Variants in FAM227B observed in about 807,000 individuals in gnomAD.
The protein encoded by FAM227B is family with sequence similarity 227 member B, also known as protein FAM227B.
Under a neutral mutation model 73.8 loss-of-function variants are expected in FAM227B, and 88 were observed. The observed-to-expected ratio is 1.19, with a 90% CI of 1.00 to 1.42. The LOEUF (loss-of-function observed/expected upper bound fraction) is 1.42. FAM227B is among the 40% of genes most tolerant of loss of function. The pLI, the probability that FAM227B is intolerant of heterozygous loss-of-function variation, is 0.00. For missense variants in FAM227B, 632 were observed against 590.9 expected, an observed-to-expected ratio of 1.07 and a Z score of -0.72; for synonymous variants, 210 against 190.5, an observed-to-expected ratio of 1.10 and a Z score of -0.84.
At chr15:49,531,059 G>T (rs1261379835) in intron 10 of FAM227B, among the ~76,000 whole-genome samples, 3 of 151,194 alleles carry the variant, frequency 2.0e-5, no homozygotes, top group African/African-American at 7.3e-5. Flanking sequence ...ATAATACACA[G>T]GCCACAGTGT....
intron 13 of FAM227B, among the ~76,000 whole-genome samples, chr15:49,346,478 T>C (rs2041523252): frequency 6.6e-6 from 1 of 152,104 alleles, no homozygotes; most frequent in African/African-American, 2.4e-5. Flanking sequence ...TTAGGGGAAG[T>C]AGATGTGAGA....
chr15:49,604,346 G>C (rs1188008191), intron 3 of FAM227B, among the ~76,000 whole-genome samples: 1 of 145,136 alleles, frequency 6.9e-6, no homozygotes, highest in Non-Finnish European at 1.5e-5. Context: ...ATTCTTTGTT[G>C]GCAGTTTTTT....
intron 11 of FAM227B, among the ~76,000 whole-genome samples, chr15:49,503,052 G>A (rs2058273638): frequency 1.3e-5 from 2 of 151,992 alleles, no homozygotes; most frequent in African/African-American, 4.9e-5. Flanking sequence ...AACCAAAACA[G>A]CATGGTCCTG....
At chr15:49,339,044 G>A (rs142198781) in intron 13 of FAM227B, among the ~76,000 whole-genome samples, 2 of 152,138 alleles carry the variant, frequency 1.3e-5, no homozygotes, top group Non-Finnish European at 2.9e-5. Context: ...TTTTTTCAAG[G>A]TTCTTAGCTT....
At chr15:49,404,033 G>A (rs1204223429) in intron 11 of FAM227B, among the ~76,000 whole-genome samples, 1 of 152,028 alleles carries the variant, frequency 6.6e-6, no homozygotes, top group Non-Finnish European at 1.5e-5. Flanking sequence ...AGTTATTTGG[G>A]AGCAGGTTAT....
At chr15:49,579,570 T>C (rs2075680412) in intron 5 of FAM227B, among the ~76,000 whole-genome samples, 1 of 152,212 alleles carries the variant, frequency 6.6e-6, no homozygotes, top group South Asian at 2.1e-4. Flanking sequence ...CTTACTCATA[T>C]GTGGGAACTT....
At chr15:49,502,543 C>T (rs1218442938) in intron 11 of FAM227B, among the ~76,000 whole-genome samples, 1 of 152,224 alleles carries the variant, frequency 6.6e-6, no homozygotes, top group Non-Finnish European at 1.5e-5. Flanking sequence ...GCAATGTTTA[C>T]CCAATGCCTA....
Position 49,519,270 on chromosome 15 carries a change from C to T in FAM227B, c.875-10922G>A, listed in dbSNP as rs1296461820. On this transcript the variant is annotated intron_variant, in intron 10 of 15. Coordinates refer to ENST00000299338, the MANE Select transcript of FAM227B (RefSeq NM_152647.3). ...TGGCATTGAGTGTCTGTGGCTTTTA[C>T]AGGCACATGGTGCAAGCTGTCAGTG... is the stretch of plus-strand genomic sequence containing the variant. 2.0e-5 allele frequency among the ~76,000 whole-genome samples: 3 copies of T among 152,156 alleles called. No homozygotes were observed. In the East Asian group the frequency reaches 5.8e-4, roughly 29 times the overall value.
intron 12 of FAM227B, among the ~76,000 whole-genome samples, chr15:49,368,637 C>T (rs890644228): frequency 3.9e-5 from 6 of 152,098 alleles, no homozygotes; most frequent in African/African-American, 1.4e-4. Flanking sequence ...CATTGGGTTA[C>T]GTATAGCTCA....
At chr15:49,435,106 GA>G (rs1484770669) in intron 11 of FAM227B, among the ~76,000 whole-genome samples, 2 of 151,556 alleles carry the variant, frequency 1.3e-5, no homozygotes, top group South Asian at 2.1e-4. Flanking sequence ...TATGAAGTGA[GA>G]GGGGGGTACA....
intron 13 of FAM227B, among the ~76,000 whole-genome samples, chr15:49,349,807 A>G (rs185081617): frequency 6.6e-6 from 1 of 152,178 alleles, no homozygotes; most frequent in Non-Finnish European, 1.5e-5. Flanking sequence ...GTATGGACCA[A>G]AACTCTGCAT....
chr15:49,493,888 A>ATATATATATATGTG (rs146161182), intron 11 of FAM227B, among the ~76,000 whole-genome samples: 15 of 148,916 alleles, frequency 1.0e-4, no homozygotes, highest in African/African-American at 3.7e-4. Context: ...ATATATATAT[A>ATATATATATATGTG]TGTGTGTGTG....
At chr15:49,620,055 TCCACTAATGGGTC>T (rs1402260308) in intron 1 of FAM227B, 1 of 152,190 alleles carries the variant, frequency 6.6e-6, no homozygotes. Flanking sequence ...GGTCAAGACC[TCCACTAATGGGTC>T]CCACACAATC....
chr15:49,485,832 A>T (rs1252387929), intron 11 of FAM227B: 2 of 152,130 alleles, frequency 1.3e-5, no homozygotes, highest in Non-Finnish European at 2.9e-5. Context: ...AAAACTATGT[A>T]TATTTAAATT....
At chr15:49,363,531 G>T (rs6493368) in intron 13 of FAM227B, among the ~76,000 whole-genome samples, 100,447 of 152,010 alleles carry the variant, frequency 0.66, 33,716 homozygotes, top group African/African-American at 0.74. Flanking sequence ...GGGCAGAGAC[G>T]ATTGGTTTTG....
chr15:49,473,035 A>C (rs1254100351), intron 11 of FAM227B, among the ~76,000 whole-genome samples: 3 of 152,196 alleles, frequency 2.0e-5, no homozygotes, highest in Non-Finnish European at 4.4e-5. Context: ...TGGACCACTC[A>C]TGTTTCCAAA....
At chr15:49,564,823 C>T (rs1279002671) in intron 9 of FAM227B, among the ~76,000 whole-genome samples, 1 of 151,676 alleles carries the variant, frequency 6.6e-6, no homozygotes, top group Admixed American at 6.6e-5. Context: ...GAACAATAGA[C>T]ACTGGGGACT....
At chr15:49,550,647 C>T (rs1377530333) in intron 9 of FAM227B, among the ~76,000 whole-genome samples, 16 of 149,402 alleles carry the variant, frequency 1.1e-4, no homozygotes, top group Non-Finnish European at 1.9e-4. Context: ...CCAGGTGGGG[C>T]GGCGGGGCAG....
chr15:49,474,712 C>T (rs1268749057), intron 11 of FAM227B, among the ~76,000 whole-genome samples: 3 of 152,196 alleles, frequency 2.0e-5, no homozygotes, highest in Non-Finnish European at 2.9e-5. Flanking sequence ...AGATGAGCTG[C>T]GGGTGAGCAA....
Sources: gnomAD v4.1 joint callset for allele counts (sites outside exome capture counted in the v4.1 genomes callset) on GRCh38, gnomAD v4.1.1 for gene constraint, MANE v1.5 for transcripts, NCBI Gene and HGNC (gene_info 2026-07-23, HGNC 2026-07-21) for gene names.